ACSS3: variants seen among roughly 807,000 people sequenced by gnomAD.
The protein encoded by ACSS3 is acyl-CoA synthetase short chain family member 3.
Under a neutral mutation model 84.2 loss-of-function variants are expected in ACSS3, and 64 were observed. The observed-to-expected ratio is 0.76, with a 90% CI of 0.62 to 0.94. The LOEUF (loss-of-function observed/expected upper bound fraction) is 0.94. ACSS3 is among the 40% of genes least tolerant of loss of function. The pLI, the probability that ACSS3 is intolerant of heterozygous loss-of-function variation, is 0.00. For synonymous variants in ACSS3, 317 were observed against 310.1 expected (o/e 1.02, Z -0.23); for missense variants, 815 against 867.6 (o/e 0.94, Z 0.76).
At position 81,253,720 on chromosome 12, in the gene ACSS3, T is replaced by C. The variant is rs1046777607; in HGVS notation, c.1995+50T>C. On this transcript the variant is annotated intron_variant, in intron 15 of 15. Coordinates refer to ENST00000548058, the MANE Select transcript of ACSS3 (RefSeq NM_024560.4). The stretch of plus-strand genomic sequence containing the variant: ...CTGGGTTCTAAGATATTTTTCTTCA[T>C]TTCTTTGGCATCAGCAAAGCTCTTA... 3.2e-6 allele frequency: 5 copies of C among 1,570,266 alleles called. No homozygotes were observed. In the African/African-American group the frequency reaches 6.8e-5, roughly 21 times the overall value.
chr12:81,100,454 C>G (rs1882420434), intron 1 of ACSS3, among the ~76,000 whole-genome samples: 1 of 152,128 alleles, frequency 6.6e-6, no homozygotes, highest in Admixed American at 6.6e-5. Flanking sequence ...GGACATCTAA[C>G]ATTTCTGTAG....
chr12:81,260,650 A>G lies in ACSS3; in HGVS notation c.*5728A>G, dbSNP rs1219166280. The G allele has an allele frequency of 6.6e-6, 1 of 152,180 alleles. No individual in the cohort carries two copies. The highest frequency in any genetic ancestry group is 1.5e-5 in the Non-Finnish European group (1 of 68,038). The allele number at this position is 152,180 out of a possible 1,614,324, so 9.4% of individuals were successfully genotyped here. A position where few individuals can be genotyped will look rare whatever the true frequency, so the allele number is the denominator to read the frequency against. On this transcript the variant is annotated 3_prime_UTR_variant, in exon 16 of 16. Transcript: ENST00000548058. ...GATGCTTTTCATTTTATCAGCTTCAAATAGTGATCCAAATAAGGCAGCATA... is the reference window on the plus strand; with the variant it reads ...GATGCTTTTCATTTTATCAGCTTCAGATAGTGATCCAAATAAGGCAGCATA...
At chr12:81,096,517 G>A (rs1882061037) in intron 1 of ACSS3, among the ~76,000 whole-genome samples, 1 of 152,140 alleles carries the variant, frequency 6.6e-6, no homozygotes, top group Non-Finnish European at 1.5e-5. Flanking sequence ...TACATGCACA[G>A]AAAATGCAGG....
chr12:81,206,640 C>T (rs1293943833), intron 9 of ACSS3, among the ~76,000 whole-genome samples: 1 of 151,958 alleles, frequency 6.6e-6, no homozygotes, highest in Non-Finnish European at 1.5e-5. Context: ...AAAAGAAGCC[C>T]TATGTCATTA....
intron 13 of ACSS3, among the ~76,000 whole-genome samples, chr12:81,247,486 A>G (rs1245623760): frequency 6.6e-6 from 1 of 152,146 alleles, no homozygotes; most frequent in Non-Finnish European, 1.5e-5. Flanking sequence ...AACATGCTAG[A>G]ATTATTGGCA....
At chr12:81,086,126 T>C (rs141565813) in intron 1 of ACSS3, among the ~76,000 whole-genome samples, 2 of 152,304 alleles carry the variant, frequency 1.3e-5, no homozygotes, top group East Asian at 3.9e-4. Flanking sequence ...TTGTCAGATA[T>C]TTTTAAAATT....
intron 11 of ACSS3, among the ~76,000 whole-genome samples, chr12:81,228,596 G>T (rs1389810985): frequency 6.6e-6 from 1 of 151,718 alleles, no homozygotes; most frequent in Non-Finnish European, 1.5e-5. Flanking sequence ...AGGTTAGCAG[G>T]ACATCTTCTT....
intron 11 of ACSS3, among the ~76,000 whole-genome samples, chr12:81,225,260 T>C (rs912809865): frequency 1.3e-5 from 2 of 151,944 alleles, no homozygotes; most frequent in African/African-American, 4.8e-5. Flanking sequence ...GAATATTGTA[T>C]GTCTTCCTTT....
intron 8 of ACSS3, among the ~76,000 whole-genome samples, chr12:81,177,296 T>C (rs7959176): frequency 0.18 from 27,262 of 152,040 alleles, 2,770 homozygotes; most frequent in East Asian, 0.4. Flanking sequence ...AACATAGTTC[T>C]GGAAGTCCTT....
intron 1 of ACSS3, among the ~76,000 whole-genome samples, chr12:81,093,789 C>T (rs941326646): frequency 2.6e-5 from 4 of 151,992 alleles, no homozygotes; most frequent in East Asian, 1.9e-4. Context: ...TTCAGATTCA[C>T]CAGTTTTTGC....
intron 7 of ACSS3, among the ~76,000 whole-genome samples, chr12:81,173,351 C>G (rs2030221026): frequency 6.6e-6 from 1 of 151,982 alleles, no homozygotes; most frequent in African/African-American, 2.4e-5. Flanking sequence ...TTAGACTAAA[C>G]AGTTGTGATA....
In ACSS3 at chr12:81,258,412, A is replaced by G. The variant is rs2034418881; in HGVS notation, c.*3490A>G. Reference sequence around the variant, plus strand: ...TTAAAATACAGAAAAGAAATTACTAATGACAGGTCTTGCGCTTAATAAGAT... The same window carrying G: ...TTAAAATACAGAAAAGAAATTACTAGTGACAGGTCTTGCGCTTAATAAGAT... On this transcript the variant is annotated 3_prime_UTR_variant, in exon 16 of 16. Coordinates refer to ENST00000548058, the MANE Select transcript of ACSS3 (RefSeq NM_024560.4). 1 of 152,166 alleles carries G rather than the reference A, an allele frequency of 6.6e-6. No homozygotes were observed. Among genetic ancestry groups the G allele is most frequent in the Admixed American group, 6.6e-5 (1 of 15,258 alleles). 9.4% of individuals were successfully genotyped at this position (152,166 alleles called of 1,614,324 possible). A position where few individuals can be genotyped will look rare whatever the true frequency, so the allele number is the denominator to read the frequency against.
At position 81,154,746 on chromosome 12, in the gene ACSS3, C is replaced by T. The variant is rs535472583; in HGVS notation, c.1098+2650C>T. Among the ~76,000 whole-genome samples the T allele has an allele frequency of 2.0e-5, 3 of 152,274 alleles. No individual in the cohort carries two copies. In the South Asian group the frequency reaches 6.2e-4, roughly 32 times the overall value. ...CTTCATAAGTGACAAAGTCAAAGGG[C>T]CTTGTTTAATCTGATTTTATTTTTT... On this transcript the variant is annotated intron_variant, in intron 7 of 15. Coordinates refer to ENST00000548058, the MANE Select transcript of ACSS3 (RefSeq NM_024560.4).
At chr12:81,129,419 A>T (rs1885338665) in intron 2 of ACSS3, among the ~76,000 whole-genome samples, 1 of 152,170 alleles carries the variant, frequency 6.6e-6, no homozygotes. Flanking sequence ...GGTTCAATTG[A>T]TTGCTGTTAT....
At chr12:81,176,851 C>T (rs1392347173) in intron 8 of ACSS3, among the ~76,000 whole-genome samples, 2 of 152,018 alleles carry the variant, frequency 1.3e-5, no homozygotes, top group Non-Finnish European at 2.9e-5. Context: ...CAAACTCTGG[C>T]AGAGATGCAA....
At position 81,173,314 on chromosome 12, in the gene ACSS3, A is replaced by G. The variant is rs192937326; in HGVS notation, c.1099-1474A>G. 4.1e-3 allele frequency among the ~76,000 whole-genome samples: 617 copies of G among 152,306 alleles called. 4 individuals carry two copies. The highest frequency in any genetic ancestry group is 0.014 in the African/African-American group (582 of 41,574). ...TTTGCATGTGTTGATTTGTATGAAG[A>G]GTAATGAAATAATTTGAAATAGTGC... is the stretch of plus-strand genomic sequence containing the variant. On this transcript the variant is annotated intron_variant, in intron 7 of 15. Transcript: ENST00000548058.
rs866641256 is a variant in ACSS3, at chr12:81,081,767, C to T, written c.311+3336C>T. 2.0e-5 allele frequency among the ~76,000 whole-genome samples: 3 copies of T among 152,168 alleles called. 1 individual carries two copies. Among genetic ancestry groups the T allele is most frequent in the African/African-American group, 7.2e-5 (3 of 41,446 alleles). ...TTGTTTAGAAATCAATATGTATTAA[C>T]AGTGACTATAAACCAAAAAGGAAAA... On this transcript the variant is annotated intron_variant, in intron 1 of 15. Transcript: ENST00000548058.
At chr12:81,174,613 T>G (rs1565704321) in intron 7 of ACSS3, 175 bp from the exon 8 acceptor site, 14 of 597,048 alleles carry the variant, frequency 2.3e-5, no homozygotes, top group Admixed American at 3.3e-5. Context: ...CAGTCTCTGT[T>G]ATGCCTGGGT....
intron 9 of ACSS3, among the ~76,000 whole-genome samples, chr12:81,200,171 T>G (rs950680924): frequency 2.0e-5 from 3 of 152,194 alleles, no homozygotes; most frequent in Non-Finnish European, 2.9e-5. Flanking sequence ...ATCTGCTGCT[T>G]CTTTTGAGGG....
Sources: allele counts gnomAD v4.1 joint callset (sites outside exome capture counted in the v4.1 genomes callset), GRCh38; gene constraint gnomAD v4.1.1; transcripts MANE v1.5; gene names NCBI Gene and HGNC (gene_info 2026-07-23, HGNC 2026-07-21).